Variants in TERT observed in about 807,000 individuals in gnomAD.
TERT encodes the protein telomerase catalytic subunit.
In TERT, 42 loss-of-function variants were observed where a neutral mutation model predicts 104.0. The observed-to-expected ratio is 0.40, with a 90% CI of 0.32 to 0.52. The LOEUF (loss-of-function observed/expected upper bound fraction) is 0.52, where lower values mean the gene tolerates loss of function less well. TERT is among the 20% of genes least tolerant of loss of function. The probability of loss-of-function intolerance (pLI) is 0.43; values close to 1 mark genes in which losing one functional copy is unlikely to be tolerated. For synonymous variants in TERT, 781 were observed against 725.6 expected, an observed-to-expected ratio of 1.08 and a Z score of -1.23; for missense variants, 1,101 against 1,610.3, an observed-to-expected ratio of 0.68 and a Z score of 5.41.
intron 7 of TERT, 31 bp from the exon 8 acceptor site, chr5:1,271,235 T>A (rs1028017442): frequency 1.4e-5 from 22 of 1,548,994 alleles, no homozygotes; most frequent in Non-Finnish European, 2.0e-5. Flanking sequence ...CACATGGGAG[T>A]GAGCCGGTGG....
At chr5:1,264,688 AGTG>A (rs1289435817) in intron 10 of TERT, 96 bp from the exon 11 acceptor site, 2 of 1,462,668 alleles carry the variant, frequency 1.4e-6, no homozygotes, top group Non-Finnish European at 1.9e-6. Flanking sequence ...ACCCCAGAGA[AGTG>A]GTGATTTGGA....
intron 13 of TERT, among the ~76,000 whole-genome samples, 158 bp downstream of exon 13, chr5:1,258,440 C>T (rs906870073): frequency 8.1e-5 from 12 of 148,998 alleles, no homozygotes; most frequent in Admixed American, 5.9e-4. Context: ...CACAGAGCCA[C>T]GCGAACAGAA....
Position 1,277,978 on chromosome 5 carries a change from G to A in TERT, c.2286+663C>T, listed in dbSNP as rs566327107. On this transcript the variant is annotated intron_variant, in intron 6 of 15. Transcript: ENST00000310581. The stretch of plus-strand genomic sequence containing the variant: ...CTGCCGAGCCCCAAGGCCCCCGGCC[G>A]CTCTGGGAGGAGTGTGTCCCGGGGA... Among the ~76,000 whole-genome samples the A allele has an allele frequency of 6.0e-5, 9 of 151,208 alleles. No individual in the cohort carries two copies. In the South Asian group the frequency reaches 1.4e-3, roughly 24 times the overall value.
intron 2 of TERT, among the ~76,000 whole-genome samples, chr5:1,290,556 T>G (rs368285823): frequency 3.4e-4 from 4 of 11,706 alleles, no homozygotes; most frequent in Admixed American, 9.5e-4. Flanking sequence ...CCGGGGACGG[T>G]GCCTCACTCA....
Position 1,294,127 on chromosome 5 carries a change from C to G in TERT, c.759G>C (p.Gln253His), listed in dbSNP as rs1579597808. 4 of 1,583,728 alleles carry G rather than the reference C, an allele frequency of 2.5e-6. No homozygotes were observed. Among genetic ancestry groups the G allele is most frequent in the Non-Finnish European group, 2.6e-6 (3 of 1,167,376 alleles). Reference protein sequence around the residue: ...APEPERTPVGQGSWAHPGRTR... With the variant: ...APEPERTPVGHGSWAHPGRTR... ...TCCTGCCCGGGTGGGCCCAGGACCC[C>G]TGCCCAACGGGCGTCCGCTCCGGCT... Residue 253 changes from glutamine (Q) to histidine (H), a missense_variant, in exon 2 of 16, where the codon CAG becomes CAC. By Grantham distance (24) the Gln-to-His change is conservative (BLOSUM62 0). Coordinates refer to ENST00000310581, the MANE Select transcript of TERT (RefSeq NM_198253.3).
chr5:1,283,408 A>C (rs1750198281), intron 2 of TERT, among the ~76,000 whole-genome samples: 1 of 134,772 alleles, frequency 7.4e-6, no homozygotes, highest in African/African-American at 2.9e-5. Flanking sequence ...GGGCCTGGCG[A>C]CCTCACCCCG....
chr5:1,282,583 C>T lies in TERT; in HGVS notation c.1615G>A (p.Glu539Lys), dbSNP rs1203927893. The T allele has an allele frequency of 1.1e-5, 18 of 1,614,010 alleles. No homozygotes were observed. The highest frequency in any genetic ancestry group is 1.4e-5 in the Non-Finnish European group (17 of 1,180,038). ...CAGTGCAGGAACTTGGCCAGGATCT[C>T]CTCACGCAGACGGTGCTCTGCGGCC... ...VPAAEHRLRE[E>K]ILAKFLHWLM... The change falls in exon 3 of 16, where the codon GAG (glutamate) becomes AAG (lysine). Residue 539 changes from glutamate (E) to lysine (K), a missense_variant. Physicochemically the swap from Glu to Lys is moderately conservative, Grantham distance 56. This residue lies in a region of TERT where 504 missense variants were observed against 544.6 expected (regional missense o/e 0.93). Transcript: ENST00000310581.
At chr5:1,284,999 GGC>G in intron 2 of TERT, among the ~76,000 whole-genome samples, 1 of 144,868 alleles carries the variant, frequency 6.9e-6, no homozygotes, top group Non-Finnish European at 1.5e-5. Context: ...AGCAGGGCCT[GGC>G]GACCTCACCC....
chr5:1,281,684 G>A (rs568855850), intron 3 of TERT, among the ~76,000 whole-genome samples: 2 of 152,026 alleles, frequency 1.3e-5, no homozygotes, highest in African/African-American at 4.8e-5. Flanking sequence ...CTATCCCCAG[G>A]TGCTCCCTGC....
At chr5:1,258,055 AC>A (rs915818505) in intron 13 of TERT, among the ~76,000 whole-genome samples, 1 of 152,054 alleles carries the variant, frequency 6.6e-6, no homozygotes, top group Non-Finnish European at 1.5e-5. Flanking sequence ...TGGCAGGGGC[AC>A]CCCCTGACCA....
In TERT at chr5:1,294,394, G is replaced by C; in HGVS notation, c.492C>G (p.Pro164=). 1.3e-6 allele frequency: 2 copies of C among 1,583,528 alleles called. No homozygotes were observed. The highest frequency in any genetic ancestry group is 1.7e-6 in the Non-Finnish European group (2 of 1,172,950). ...GCCCGCACACCTGGTAGGCGCAGCT[G>C]GGAGCCACCAGCACAAAGAGCGCGC... ...ARCALFVLVA[P]SCAYQVCGPP... Residue 164 remains proline (P), a synonymous_variant, in exon 2 of 16, where the codon CCC becomes CCG. Coordinates refer to ENST00000310581, the MANE Select transcript of TERT (RefSeq NM_198253.3).
rs549594986 is a variant in TERT at position 1,253,912 on chromosome 5, G to C, written c.3296-81C>G. The C allele has an allele frequency of 6.3e-6, 9 of 1,439,260 alleles. No homozygotes were observed. The East Asian group carries it at 9.7e-5, about 16-fold the overall frequency. 89.2% of individuals were successfully genotyped at this position (1,439,260 alleles called of 1,614,324 possible). A position where few individuals can be genotyped will look rare whatever the true frequency, so the allele number is the denominator to read the frequency against. On this transcript the variant is annotated intron_variant, in intron 15 of 15. Transcript: ENST00000310581. ...ACCCTCCTAGGACGTGTGGGTGGCC[G>C]GGCAGGCAGGGCCTGCACCTCGTGG...
In TERT at chr5:1,260,762, C is replaced by A. The variant is rs35550096; in HGVS notation, c.2844-162G>T. ...GGCTGGGTGCTCACTCCATGGACTC[C>A]AAATGCTACATGCCATCCAGACTCT... On this transcript the variant is annotated intron_variant, in intron 11 of 15. Transcript: ENST00000310581. 5.5e-3 allele frequency among the ~76,000 whole-genome samples: 843 copies of A among 152,316 alleles called. 6 individuals carry two copies. The highest frequency in any genetic ancestry group is 0.019 in the African/African-American group (799 of 41,574).
chr5:1,271,474 T>C (rs551221447), intron 7 of TERT, among the ~76,000 whole-genome samples: 31 of 152,288 alleles, frequency 2.0e-4, no homozygotes, highest in African/African-American at 7.0e-4. Flanking sequence ...GTGGCCCGGA[T>C]GGCATATGTG....
chr5:1,254,987 G>C (rs1747613331), intron 14 of TERT, among the ~76,000 whole-genome samples: 1 of 152,152 alleles, frequency 6.6e-6, no homozygotes, highest in Non-Finnish European at 1.5e-5. Flanking sequence ...GCAAACAGGA[G>C]AGGCCAGGCC....
At position 1,279,339 on chromosome 5, in the gene TERT, C is replaced by T; in HGVS notation, c.2082G>A (p.Val694=). ...DDIHRAWRTF[V]LRVRAQDPPP... is the part of the protein sequence containing the mutation. ...GCGGGTCCTGGGCCCGCACACGCAG[C>T]ACGAAGGTGCGCCAGGCCCTGTGGA... is the stretch of plus-strand genomic sequence containing the variant. The change falls in exon 5 of 16, where the codon GTG becomes GTA. Residue 694 remains valine, a synonymous_variant. Transcript: ENST00000310581. The T allele has an allele frequency of 6.3e-7, 1 of 1,584,564 alleles. No individual in the cohort carries two copies. Among genetic ancestry groups the T allele is most frequent in the Non-Finnish European group, 8.6e-7 (1 of 1,167,672 alleles).
Position 1,264,609 on chromosome 5 carries a change from A to G in TERT, c.2655-17T>C. On this transcript the variant is annotated splice_polypyrimidine_tract_variant and intron_variant, in intron 10 of 15. Coordinates refer to ENST00000310581, the MANE Select transcript of TERT (RefSeq NM_198253.3). ...ACCAGGGTCCTAAGGCAGAGGGGCA[A>G]TGTCAGCCCCAGGATGCGGGGCCGT... 6.2e-7 allele frequency: 1 copy of G among 1,613,488 alleles called. No individual in the cohort carries two copies. The highest frequency in any genetic ancestry group is 8.5e-7 in the Non-Finnish European group (1 of 1,179,954).
At chr5:1,284,479 T>TGC (rs1750326277) in intron 2 of TERT, among the ~76,000 whole-genome samples, 7 of 19,888 alleles carry the variant, frequency 3.5e-4, no homozygotes, top group Admixed American at 6.5e-4. Flanking sequence ...CCGGACTCCA[T>TGC]ACATCCAGCT....
chr5:1,292,272 A>T lies in TERT; in HGVS notation c.1573+1041T>A, dbSNP rs535687573. ...GTAGGGCCTGGGAGCACTGGGAGCC[A>T]AAAGGGGGCTGGAGCGGAGGTTCCT... On this transcript the variant is annotated intron_variant, in intron 2 of 15. Transcript: ENST00000310581. This position sits in a 1 kb window ranked among gnomAD's most constrained non-coding sequence, Gnocchi z 5.5. Among the ~76,000 whole-genome samples the T allele has an allele frequency of 2.6e-5, 4 of 152,194 alleles. No homozygotes were observed. The East Asian group carries it at 7.7e-4, about 29-fold the overall frequency.
Sources: gnomAD v4.1 joint callset for allele counts (sites outside exome capture counted in the v4.1 genomes callset) on GRCh38, gnomAD v4.1.1 for gene constraint, gnomAD v4.1.1 regional missense constraint, Gnocchi (gnomAD v3.1) non-coding constraint, MANE v1.5 for transcripts, NCBI Gene and HGNC (gene_info 2026-07-23, HGNC 2026-07-21) for gene names.